The following HDAC9 variants were observed in gnomAD, a reference collection of about 807,000 sequenced individuals.
HDAC9 encodes the protein histone deacetylase 9.
Under a neutral mutation model 139.4 loss-of-function variants are expected in HDAC9, and 41 were observed. That is an observed-to-expected ratio of 0.29 (90% confidence interval 0.23 to 0.38). The LOEUF is 0.38. Among genes scored for constraint, HDAC9 ranks in the 10% least tolerant of loss-of-function variants. The pLI, the probability that HDAC9 is intolerant of heterozygous loss-of-function variation, is 1.00. For synonymous variants in HDAC9, 517 were observed against 476.2 expected (o/e 1.09, Z -1.12); for missense variants, 1,147 against 1,297.0 (o/e 0.88, Z 1.78).
At chr7:18,554,214 A>C (rs1289383227) in intron 2 of HDAC9, among the ~76,000 whole-genome samples, 1 of 151,848 alleles carries the variant, frequency 6.6e-6, no homozygotes, top group Admixed American at 6.6e-5. Flanking sequence ...TGTATTGTCT[A>C]TATTGTCGAA....
intron 16 of HDAC9, among the ~76,000 whole-genome samples, chr7:18,768,253 G>T (rs1168097805): frequency 6.6e-6 from 1 of 152,154 alleles, no homozygotes; most frequent in Admixed American, 6.6e-5. Context: ...CACAGTAAAG[G>T]ATAAAAAGCT....
chr7:18,859,858 A>ATATG (rs1218166886), intron 21 of HDAC9, among the ~76,000 whole-genome samples: 2 of 110,302 alleles, frequency 1.8e-5, no homozygotes, highest in Non-Finnish European at 3.7e-5. Context: ...ATATATATAT[A>ATATG]TGTGAGAGAA....
chr7:18,517,428 G>A (rs1274295145), intron 2 of HDAC9, among the ~76,000 whole-genome samples: 2 of 152,122 alleles, frequency 1.3e-5, no homozygotes, highest in South Asian at 2.1e-4. Context: ...GGGAATGAAC[G>A]AACTAAAGGA....
At chr7:18,787,125 A>G (rs972791690) in intron 16 of HDAC9, among the ~76,000 whole-genome samples, 10 of 152,072 alleles carry the variant, frequency 6.6e-5, no homozygotes, top group Non-Finnish European at 1.5e-5. Context: ...TTTCTACCCT[A>G]TTAGATAGAC....
intron 1 of HDAC9, among the ~76,000 whole-genome samples, chr7:18,394,908 G>A (rs1328727260): frequency 6.6e-6 from 1 of 152,006 alleles, no homozygotes; most frequent in African/African-American, 2.4e-5. Context: ...ATTTTAGTTT[G>A]AAATTTTTCA....
chr7:18,668,673 A>G, intron 12 of HDAC9: 1 of 980,392 alleles, frequency 1.0e-6, no homozygotes, highest in Non-Finnish European at 1.2e-6. Flanking sequence ...GACTTAAATA[A>G]TCTTAGAATT....
chr7:18,170,614 A>G (rs955854390), intron 2 of HDAC9, among the ~76,000 whole-genome samples: 1 of 151,898 alleles, frequency 6.6e-6, no homozygotes, highest in Admixed American at 6.6e-5. Context: ...ATCTTGAATT[A>G]ATTTTTATAT....
intron 4 of HDAC9, 51 bp from the exon 5 acceptor site, chr7:18,591,465 C>CTGTGTGTGTTTGTG (rs1477952524): frequency 6.8e-7 from 1 of 1,473,892 alleles, no homozygotes; most frequent in African/African-American, 1.7e-5. Context: ...ACATCTGTTT[C>CTGTGTGTGTTTGTG]TGTGTGTGTA....
At chr7:18,926,023 C>G (rs78104881) in intron 22 of HDAC9, among the ~76,000 whole-genome samples, 1,765 of 152,070 alleles carry the variant, frequency 0.012, 30 homozygotes, top group African/African-American at 0.041. Context: ...ATATCTAGAT[C>G]TGTAATTGTT....
chr7:18,615,692 A>G (rs989613193), intron 6 of HDAC9, among the ~76,000 whole-genome samples: 24 of 152,174 alleles, frequency 1.6e-4, no homozygotes, highest in African/African-American at 5.8e-4. Flanking sequence ...TTTAATTCCT[A>G]CTACATTACC....
rs1795705625 is a variant in HDAC9 at position 18,829,508 on chromosome 7, G to A, written c.2426G>A (p.Arg809Lys). The change falls in exon 19 of 26, where the codon AGA (arginine) becomes AAA (lysine). Residue 809 changes from arginine (R) to lysine (K), a missense_variant. Arg to Lys is a conservative substitution (Grantham distance 26). Coordinates refer to ENST00000686413, the MANE Select transcript of HDAC9 (RefSeq NM_178425.4). ...GTTGCAATTACCGCCAAATACTTGA[G>A]AGACCAACTAAATATAAGCAAGATA... Reference protein sequence around the residue: ...NSVAITAKYLRDQLNISKILI... With the variant: ...NSVAITAKYLKDQLNISKILI... 6.2e-7 allele frequency: 1 copy of A among 1,612,274 alleles called. No homozygotes were observed. The highest frequency in any genetic ancestry group is 8.5e-7 in the Non-Finnish European group (1 of 1,178,624).
chr7:18,752,168 G>T (rs575833601), intron 14 of HDAC9, among the ~76,000 whole-genome samples: 3 of 152,154 alleles, frequency 2.0e-5, no homozygotes, highest in Admixed American at 2.0e-4. Context: ...TTAGCAATTT[G>T]CCACATGTCT....
At chr7:18,298,332 T>A (rs1194383025) in intron 1 of HDAC9, among the ~76,000 whole-genome samples, 2 of 151,874 alleles carry the variant, frequency 1.3e-5, no homozygotes, top group African/African-American at 4.8e-5. Context: ...CATGTGCACA[T>A]TGTGCAGGTT....
intron 2 of HDAC9, among the ~76,000 whole-genome samples, chr7:18,283,586 A>C (rs1232108798): frequency 6.6e-6 from 1 of 152,192 alleles, no homozygotes; most frequent in Non-Finnish European, 1.5e-5. Flanking sequence ...ATAGGTTGTG[A>C]GTACCCGTGG....
At chr7:18,217,335 T>G (rs977863559) in intron 2 of HDAC9, among the ~76,000 whole-genome samples, 2 of 152,118 alleles carry the variant, frequency 1.3e-5, no homozygotes, top group Non-Finnish European at 2.9e-5. Context: ...CTTTTTTCCT[T>G]CTCCAAATAC....
chr7:18,251,483 C>T (rs991032039), intron 2 of HDAC9, among the ~76,000 whole-genome samples: 1 of 152,100 alleles, frequency 6.6e-6, no homozygotes, highest in African/African-American at 2.4e-5. Flanking sequence ...TGTAACAAAC[C>T]TGTGCATTGT....
chr7:18,710,117 G>A lies in HDAC9; in HGVS notation c.1732-17463G>A, dbSNP rs535883246. Among the ~76,000 whole-genome samples, 22 of 152,260 alleles carry A rather than the reference G, an allele frequency of 1.4e-4. No individual in the cohort carries two copies. In the South Asian group the frequency reaches 3.9e-3, roughly 27 times the overall value. The stretch of plus-strand genomic sequence containing the variant: ...CAGCAGGCAAAAGAGCATGTGCAGG[G>A]GAACTGCGCTATATAAAACCATCAG... On this transcript the variant is annotated intron_variant, in intron 12 of 25. Coordinates refer to ENST00000686413, the MANE Select transcript of HDAC9 (RefSeq NM_178425.4).
intron 22 of HDAC9, among the ~76,000 whole-genome samples, chr7:18,930,097 G>A (rs771954336): frequency 2.0e-5 from 3 of 152,062 alleles, no homozygotes; most frequent in African/African-American, 4.8e-5. Flanking sequence ...TGGCTGCTCC[G>A]AGGCATCCAA....
intron 21 of HDAC9, among the ~76,000 whole-genome samples, chr7:18,837,166 A>T (rs942870047): frequency 2.0e-5 from 3 of 151,784 alleles, no homozygotes; most frequent in African/African-American, 7.3e-5. Flanking sequence ...CATTCAAGAT[A>T]CAAAGGAAAA....
Sources: gnomAD v4.1 joint callset for allele counts (sites outside exome capture counted in the v4.1 genomes callset) on GRCh38, gnomAD v4.1.1 for gene constraint, MANE v1.5 for transcripts, NCBI Gene and HGNC (gene_info 2026-07-23, HGNC 2026-07-21) for gene names.